PPP1R12B: variants seen among roughly 807,000 people sequenced by gnomAD.
PPP1R12B encodes the protein protein phosphatase 1 regulatory subunit 12B.
PPP1R12B carries 76 observed loss-of-function variants against 126.1 expected under a neutral mutation model. The observed-to-expected ratio is 0.60, with a 90% CI of 0.50 to 0.73. The LOEUF is 0.73. PPP1R12B is among the 30% of genes least tolerant of loss of function. The pLI is 0.00. For missense variants in PPP1R12B, 1,052 were observed against 1,205.1 expected (o/e 0.87, Z 1.88); for synonymous variants, 356 against 434.7 (o/e 0.82, Z 2.25).
At chr1:202,537,434 A>C (rs1043137148) in intron 18 of PPP1R12B, among the ~76,000 whole-genome samples, 6 of 152,260 alleles carry the variant, frequency 3.9e-5, no homozygotes, top group African/African-American at 1.4e-4. Context: ...CCACCATTGT[A>C]TGTGTGGTTT....
At chr1:202,365,969 G>A (rs1659148477) in intron 1 of PPP1R12B, among the ~76,000 whole-genome samples, 1 of 152,028 alleles carries the variant, frequency 6.6e-6, no homozygotes, top group African/African-American at 2.4e-5. Context: ...CAGCCTGGGT[G>A]ACCGAGCAAG....
chr1:202,487,419 A>C (rs1021605497), intron 13 of PPP1R12B, among the ~76,000 whole-genome samples: 2 of 149,790 alleles, frequency 1.3e-5, no homozygotes, highest in African/African-American at 5.1e-5. Context: ...AAAACTTACT[A>C]TCATCACTGC....
chr1:202,357,289 A>G (rs1657291969), intron 1 of PPP1R12B, among the ~76,000 whole-genome samples: 1 of 152,238 alleles, frequency 6.6e-6, no homozygotes, highest in African/African-American at 2.4e-5. Flanking sequence ...CAAGGAATGG[A>G]TGGTAAATAA....
intron 1 of PPP1R12B, among the ~76,000 whole-genome samples, chr1:202,357,875 T>G (rs1657398275): frequency 6.6e-6 from 1 of 152,234 alleles, no homozygotes. Flanking sequence ...GAAACTAACT[T>G]GAATTTTGGG....
intron 14 of PPP1R12B, among the ~76,000 whole-genome samples, chr1:202,489,052 A>AAAGC (rs71564186): frequency 0.054 from 8,160 of 152,270 alleles, 290 homozygotes; most frequent in Non-Finnish European, 0.09. Flanking sequence ...AAAACAAGAC[A>AAAGC]AAGCAAAACA....
At chr1:202,389,651 A>G (rs953865625) in intron 1 of PPP1R12B, among the ~76,000 whole-genome samples, 1 of 148,294 alleles carries the variant, frequency 6.7e-6, no homozygotes, top group Non-Finnish European at 1.5e-5. Flanking sequence ...TAATATCCAC[A>G]TGGAAGGCCG....
chr1:202,456,308 G>A (rs1429368277), intron 13 of PPP1R12B, among the ~76,000 whole-genome samples: 1 of 151,774 alleles, frequency 6.6e-6, no homozygotes, highest in Non-Finnish European at 1.5e-5. Context: ...AAAGAAATGT[G>A]AATGGTTTGA....
chr1:202,405,743 G>A (rs373798754), intron 1 of PPP1R12B, among the ~76,000 whole-genome samples: 19 of 152,256 alleles, frequency 1.2e-4, no homozygotes, highest in African/African-American at 4.6e-4. Context: ...TTATTTCATA[G>A]TCTGTGCTCT....
rs1000438772 is a variant in PPP1R12B, at chr1:202,582,890, A to G, written c.*2330A>G. The G allele has an allele frequency of 3.3e-5, 5 of 152,144 alleles. No individual in the cohort carries two copies. The highest frequency in any genetic ancestry group is 5.9e-5 in the Non-Finnish European group (4 of 68,042). 9.4% of individuals were successfully genotyped at this position (152,144 alleles called of 1,614,324 possible). Reference sequence around the variant, plus strand: ...ACAGAGCAAGACTCCATCTCAAAAAAAATAATAATAATAAATAAATAAAAA... The same window carrying G: ...ACAGAGCAAGACTCCATCTCAAAAAGAATAATAATAATAAATAAATAAAAA... On this transcript the variant is annotated 3_prime_UTR_variant, in exon 24 of 24. Transcript: ENST00000608999.
At chr1:202,496,890 G>A in intron 18 of PPP1R12B, 68 bp downstream of exon 18, 1 of 1,465,100 alleles carries the variant, frequency 6.8e-7, no homozygotes. Flanking sequence ...AATTTTAGTA[G>A]AAGAAAGGGC....
chr1:202,434,543 T>C, intron 8 of PPP1R12B, 113 bp from the exon 9 acceptor site: 4 of 1,359,750 alleles, frequency 2.9e-6, no homozygotes, highest in Non-Finnish European at 3.9e-6. Context: ...TTACAGGGCC[T>C]TAATAATCTG....
chr1:202,408,686 A>G (rs186780198), intron 1 of PPP1R12B, among the ~76,000 whole-genome samples: 7 of 152,196 alleles, frequency 4.6e-5, no homozygotes, highest in African/African-American at 1.7e-4. Flanking sequence ...TGGTATATAT[A>G]CATTGCATGT....
chr1:202,409,749 G>A (rs762503277), intron 1 of PPP1R12B, among the ~76,000 whole-genome samples: 1 of 151,790 alleles, frequency 6.6e-6, no homozygotes, highest in Non-Finnish European at 1.5e-5. Context: ...CTGCAGCCTT[G>A]ATCACCTGGG....
At chr1:202,368,868 A>G (rs1032091623) in intron 1 of PPP1R12B, among the ~76,000 whole-genome samples, 6 of 152,022 alleles carry the variant, frequency 3.9e-5, no homozygotes, top group African/African-American at 1.4e-4. Flanking sequence ...AGTAGCTACG[A>G]CTACAGGAAT....
rs1345819283 is a variant in PPP1R12B, at chr1:202,587,706, A to G, written c.*7146A>G. 6.6e-6 allele frequency: 1 copy of G among 152,102 alleles called. No homozygotes were observed. The allele number at this position is 152,102 out of a possible 1,614,324, so 9.4% of individuals were successfully genotyped here. Reference sequence around the variant, plus strand: ...GTCGGAGTGCCAGTCGTCGGGGCCCACTATTCCTGAATAAGGGACATGCAA... The same window carrying G: ...GTCGGAGTGCCAGTCGTCGGGGCCCGCTATTCCTGAATAAGGGACATGCAA... On this transcript the variant is annotated 3_prime_UTR_variant, in exon 24 of 24. Transcript: ENST00000608999.
rs147545626 is a variant in PPP1R12B, at chr1:202,533,370, A to G, written c.2491-25507A>G. ...CAGTAGTATGATCTTAGCTCACTGT[A>G]TCCTCTGCCTCTTGTGCTCAGAGGA... On this transcript the variant is annotated intron_variant, in intron 18 of 23. Transcript: ENST00000608999. 1.7e-3 allele frequency among the ~76,000 whole-genome samples: 252 copies of G among 152,278 alleles called. 1 individual carries two copies. Among genetic ancestry groups the G allele is most frequent in the African/African-American group, 5.7e-3 (235 of 41,534 alleles).
intron 10 of PPP1R12B, chr1:202,438,582 A>C (rs549686238): frequency 2.7e-4 from 125 of 465,042 alleles, no homozygotes; most frequent in African/African-American, 2.0e-3. Context: ...AGCCTGGGAC[A>C]TTGGCCCTAG....
At chr1:202,455,885 G>A (rs926127946) in intron 13 of PPP1R12B, among the ~76,000 whole-genome samples, 2 of 152,206 alleles carry the variant, frequency 1.3e-5, no homozygotes, top group African/African-American at 4.8e-5. Flanking sequence ...ATGGGTGTGA[G>A]ATGACCAGTA....
At chr1:202,352,723 C>G (rs983978414) in intron 1 of PPP1R12B, among the ~76,000 whole-genome samples, 7 of 152,002 alleles carry the variant, frequency 4.6e-5, no homozygotes, top group African/African-American at 1.5e-4. Flanking sequence ...CCCGTCTCTA[C>G]TAAAAATACA....
Sources: allele counts gnomAD v4.1 joint callset (sites outside exome capture counted in the v4.1 genomes callset), GRCh38; gene constraint gnomAD v4.1.1; transcripts MANE v1.5; gene names NCBI Gene and HGNC (gene_info 2026-07-23, HGNC 2026-07-21).